ENTREP2: variants seen among roughly 807,000 people sequenced by gnomAD.
ENTREP2 encodes the protein protein ENTREP2.
chr15:29,669,115 A>C, the ENTREP2 span, among the ~76,000 whole-genome samples: 1 of 152,218 alleles, frequency 6.6e-6, no homozygotes, highest in Non-Finnish European at 1.5e-5. Context: ...CTGAGGCATG[A>C]GATTTGATTG....
the ENTREP2 span, among the ~76,000 whole-genome samples, chr15:29,595,504 C>T: frequency 6.6e-6 from 1 of 152,098 alleles, no homozygotes; most frequent in African/African-American, 2.4e-5. Flanking sequence ...TTTGGGATCC[C>T]ATCCAGAACA....
chr15:29,167,211 A>C, the ENTREP2 span, among the ~76,000 whole-genome samples: 1 of 152,332 alleles, frequency 6.6e-6, no homozygotes, highest in Non-Finnish European at 1.5e-5. Flanking sequence ...GAAACTATAA[A>C]AATTCTAGAA....
At chr15:29,360,131 T>C in the ENTREP2 span, among the ~76,000 whole-genome samples, 1 of 152,244 alleles carries the variant, frequency 6.6e-6, no homozygotes, top group Non-Finnish European at 1.5e-5. Flanking sequence ...ATTTGTATGC[T>C]TGGTAATACT....
the ENTREP2 span, among the ~76,000 whole-genome samples, chr15:29,379,983 T>C: frequency 6.6e-6 from 1 of 151,202 alleles, no homozygotes; most frequent in Non-Finnish European, 1.5e-5. Flanking sequence ...ACCCCGAGGA[T>C]GTCAACCCCA....
At chr15:29,132,172 ACT>A in the ENTREP2 span, among the ~76,000 whole-genome samples, 11,657 of 152,220 alleles carry the variant, frequency 0.077, 1,547 homozygotes, top group African/African-American at 0.27. Flanking sequence ...AAGGAGGAGC[ACT>A]ACTGACCCTG....
chr15:29,118,958 A>G, the ENTREP2 span, among the ~76,000 whole-genome samples: 1 of 152,180 alleles, frequency 6.6e-6, no homozygotes, highest in South Asian at 2.1e-4. Context: ...GCCTGCCCAC[A>G]GCAGCGTGAG....
the ENTREP2 span, among the ~76,000 whole-genome samples, chr15:29,625,802 A>T: frequency 6.6e-6 from 1 of 152,230 alleles, no homozygotes; most frequent in Non-Finnish European, 1.5e-5. Flanking sequence ...CCTTGCCAAG[A>T]TTTCATGTTA....
the ENTREP2 span, among the ~76,000 whole-genome samples, chr15:29,357,637 A>G: frequency 4.6e-5 from 7 of 152,066 alleles, no homozygotes; most frequent in African/African-American, 1.7e-4. Context: ...GGAGATCGAG[A>G]CCATCCTGCC....
At chr15:29,655,719 T>C in the ENTREP2 span, among the ~76,000 whole-genome samples, 1 of 151,658 alleles carries the variant, frequency 6.6e-6, no homozygotes, top group Non-Finnish European at 1.5e-5. Flanking sequence ...AATGCTAGAA[T>C]TAAAAAACAA....
the ENTREP2 span, among the ~76,000 whole-genome samples, chr15:29,330,301 C>T: frequency 1.3e-5 from 2 of 150,900 alleles, no homozygotes; most frequent in Middle Eastern, 6.9e-3. Flanking sequence ...AAAAAAAATT[C>T]AGCCAGGAGT....
the ENTREP2 span, among the ~76,000 whole-genome samples, chr15:29,548,644 A>C: frequency 6.6e-6 from 1 of 152,186 alleles, no homozygotes; most frequent in Admixed American, 6.5e-5. Flanking sequence ...AAAACTATTA[A>C]AGAAGAAAGG....
chr15:29,213,671 A>C, the ENTREP2 span, among the ~76,000 whole-genome samples: 1 of 152,144 alleles, frequency 6.6e-6, no homozygotes, highest in Non-Finnish European at 1.5e-5. Flanking sequence ...TTTGCTTATC[A>C]GCTTAAGGAG....
At chr15:29,577,073 C>T in the ENTREP2 span, among the ~76,000 whole-genome samples, 2 of 151,560 alleles carry the variant, frequency 1.3e-5, no homozygotes, top group Non-Finnish European at 2.9e-5. Flanking sequence ...TCCCAAAGTG[C>T]TGGGATTACA....
chr15:29,268,900 T>C, the ENTREP2 span: 1 of 1,614,204 alleles, frequency 6.2e-7, no homozygotes, highest in Admixed American at 1.7e-5. Flanking sequence ...ATTATGGACC[T>C]TGGCCACAAA....
the ENTREP2 span, among the ~76,000 whole-genome samples, chr15:29,478,422 T>A: frequency 3.3e-5 from 5 of 152,194 alleles, no homozygotes; most frequent in Admixed American, 6.6e-5. Context: ...CATTCTTTCA[T>A]GCACCTCAAG....
At chr15:29,359,576 C>A in the ENTREP2 span, among the ~76,000 whole-genome samples, 5 of 152,206 alleles carry the variant, frequency 3.3e-5, no homozygotes, top group Non-Finnish European at 5.9e-5. Flanking sequence ...CCACACCCAG[C>A]TAATTTTTGT....
At chr15:29,277,412 C>G in the ENTREP2 span, among the ~76,000 whole-genome samples, 1 of 151,838 alleles carries the variant, frequency 6.6e-6, no homozygotes, top group African/African-American at 2.4e-5. Context: ...AGGAGTTTTA[C>G]ACAATTTGGA....
chr15:29,536,625 A>G, the ENTREP2 span, among the ~76,000 whole-genome samples: 73 of 151,742 alleles, frequency 4.8e-4, no homozygotes, highest in African/African-American at 1.8e-3. Context: ...AAAAAAAGTC[A>G]AAGTTCTAAA....
the ENTREP2 span, among the ~76,000 whole-genome samples, chr15:29,129,285 A>G: frequency 1.3e-5 from 2 of 152,022 alleles, no homozygotes; most frequent in Non-Finnish European, 2.9e-5. Context: ...GGCTGGTCTC[A>G]AACTCCTGAC....
Sources: gnomAD v4.1 joint callset for allele counts (sites outside exome capture counted in the v4.1 genomes callset) on GRCh38, gnomAD v4.1.1 for gene constraint, MANE v1.5 for transcripts, NCBI Gene and HGNC (gene_info 2026-07-23, HGNC 2026-07-21) for gene names.